Variants in MAP3K9 observed in about 807,000 individuals in gnomAD.
MAP3K9 encodes mixed lineage kinase 1 (tyr and ser/thr specificity).
Under a neutral mutation model 95.8 loss-of-function variants are expected in MAP3K9, and 46 were observed. That is an observed-to-expected ratio of 0.48 (90% CI 0.38 to 0.61). The LOEUF is 0.61. MAP3K9 is among the 20% of genes least tolerant of loss of function. The probability of loss-of-function intolerance (pLI) is 0.00; values close to 1 mark genes in which losing one functional copy is unlikely to be tolerated. For missense variants in MAP3K9, 1,296 were observed against 1,474.3 expected (o/e 0.88, Z 1.98); for synonymous variants, 533 against 593.8 (o/e 0.90, Z 1.49).
chr14:70,790,750 T>C (rs2054798836), intron 2 of MAP3K9, among the ~76,000 whole-genome samples: 2 of 152,122 alleles, frequency 1.3e-5, no homozygotes, highest in Admixed American at 6.5e-5. Flanking sequence ...GTCAGGGGTA[T>C]TGAAGGGGAC....
At chr14:70,807,036 A>G (rs767474731) in intron 1 of MAP3K9, among the ~76,000 whole-genome samples, 2 of 152,244 alleles carry the variant, frequency 1.3e-5, no homozygotes, top group Non-Finnish European at 2.9e-5. Flanking sequence ...CATTTTAAAG[A>G]TCAAAATGAA....
Position 70,808,924 on chromosome 14 carries a change from G to A in MAP3K9, c.248C>T (p.Ser83Phe), listed in dbSNP as rs2055029934. The A allele has an allele frequency of 6.3e-7, 1 of 1,590,348 alleles. No individual in the cohort carries two copies. The highest frequency in any genetic ancestry group is 1.1e-5 in the South Asian group (1 of 87,862). Residue 83 changes from serine to phenylalanine, a missense_variant, in exon 1 of 12, where the codon TCC becomes TTC. By Grantham distance (155) the Ser-to-Phe change is radical (BLOSUM62 -2). Transcript: ENST00000554752. ...LRLGDVVEVL[S>F]KDSQVSGDEG... ...GTCGCCGGACACCTGCGAGTCCTTGGACAGCACCTCCACCACGTCGCCCAG... is the reference window on the plus strand; with the variant it reads ...GTCGCCGGACACCTGCGAGTCCTTGAACAGCACCTCCACCACGTCGCCCAG...
intron 3 of MAP3K9, among the ~76,000 whole-genome samples, chr14:70,751,430 G>T (rs144343006): frequency 1.3e-5 from 2 of 152,222 alleles, no homozygotes; most frequent in Non-Finnish European, 2.9e-5. Flanking sequence ...TAATAGGCCA[G>T]GCATGGTGGC....
intron 2 of MAP3K9, among the ~76,000 whole-genome samples, chr14:70,776,780 T>C (rs543548520): frequency 7.9e-5 from 12 of 151,640 alleles, no homozygotes; most frequent in Admixed American, 2.6e-4. Context: ...CATCAGCCCT[T>C]AAGACACTAG....
intron 3 of MAP3K9, among the ~76,000 whole-genome samples, chr14:70,758,577 G>A (rs73285169): frequency 0.013 from 2,052 of 152,178 alleles, 51 homozygotes; most frequent in African/African-American, 0.046. Flanking sequence ...AAAAAAATAT[G>A]TTTACACAAA....
rs373642244 is a variant in MAP3K9 at position 70,801,090 on chromosome 14, G to A, written c.407-10C>T. ...AAATCAATTTCTAACACTGAGAAAGGGAAGAAAAAAAGAAGCAAGTCAAAA... is the reference window on the plus strand; with the variant it reads ...AAATCAATTTCTAACACTGAGAAAGAGAAGAAAAAAAGAAGCAAGTCAAAA... On this transcript the variant is annotated splice_polypyrimidine_tract_variant and intron_variant, in intron 1 of 11. Coordinates refer to ENST00000554752, the MANE Select transcript of MAP3K9 (RefSeq NM_001284230.2). The A allele has an allele frequency of 4.1e-5, 65 of 1,584,330 alleles. No individual in the cohort carries two copies. The African/African-American group carries it at 6.5e-4, about 16-fold the overall frequency.
At chr14:70,749,595 C>T (rs2054197878) in intron 4 of MAP3K9, 1 of 218,842 alleles carries the variant, frequency 4.6e-6, no homozygotes, top group Non-Finnish European at 9.0e-6. Context: ...AGTTCTTTCT[C>T]CTAAGATGTT....
Position 70,725,367 on chromosome 14 carries a change from G to C in MAP3K9, c.*5013C>G, listed in dbSNP as rs938862033. 1.3e-5 allele frequency: 2 copies of C among 152,232 alleles called. No homozygotes were observed. Among genetic ancestry groups the C allele is most frequent in the African/African-American group, 2.4e-5 (1 of 41,454 alleles). The allele number at this position is 152,232 out of a possible 1,614,324, so 9.4% of individuals were successfully genotyped here. On this transcript the variant is annotated 3_prime_UTR_variant, in exon 12 of 12. Transcript: ENST00000554752. ...TCAATATCTCATCAGGACAAAATGA[G>C]AAAGAGCAGTCTGAGAGGAAGTCCA...
chr14:70,757,417 C>T (rs998505926), intron 3 of MAP3K9, among the ~76,000 whole-genome samples: 3 of 143,822 alleles, frequency 2.1e-5, no homozygotes, highest in Middle Eastern at 3.7e-3. Context: ...GCCATGATTA[C>T]ACCACTGCAC....
chr14:70,776,380 G>A (rs1459003226), intron 2 of MAP3K9, among the ~76,000 whole-genome samples: 1 of 152,060 alleles, frequency 6.6e-6, no homozygotes, highest in African/African-American at 2.4e-5. Flanking sequence ...GGAGGGTGTT[G>A]ATGGGCAGGA....
rs71105731 is a variant in MAP3K9 at position 70,764,192 on chromosome 14, C to CAAA, written c.821-3013_821-3011dup. 6.0e-4 allele frequency among the ~76,000 whole-genome samples: 18 copies of CAAA among 29,854 alleles called. 4 individuals carry two copies. The highest frequency in any genetic ancestry group is 1.9e-3 in the African/African-American group (15 of 8,074). The allele number at this position is 29,854 out of a possible 152,430, so 19.6% of individuals were successfully genotyped here. On this transcript the variant is annotated intron_variant, in intron 2 of 11. Coordinates refer to ENST00000554752, the MANE Select transcript of MAP3K9 (RefSeq NM_001284230.2). Reference sequence around the variant, plus strand: ...TGGGCGACAGAGCGAGACTCCGTCTCAAAAAAAAAAAAAAAAAGTTAACTG... The same window carrying CAAA: ...TGGGCGACAGAGCGAGACTCCGTCTCAAAAAAAAAAAAAAAAAAAAGTTAACTG...
At chr14:70,745,345 G>A (rs1339360842) in intron 5 of MAP3K9, among the ~76,000 whole-genome samples, 2 of 152,220 alleles carry the variant, frequency 1.3e-5, no homozygotes, top group African/African-American at 4.8e-5. Context: ...AAGTGGAAGA[G>A]AGGAAAGAGA....
intron 2 of MAP3K9, among the ~76,000 whole-genome samples, chr14:70,772,176 T>C (rs566408618): frequency 2.6e-5 from 4 of 152,272 alleles, no homozygotes; most frequent in African/African-American, 9.6e-5. Context: ...AGCTTCCGCA[T>C]TGTCAGCAGA....
In MAP3K9 at chr14:70,730,315, C is replaced by A; in HGVS notation, c.*65G>T. ...CAGGGGGTCCAACCCTGAGAAAGGGCTGTGCCCGCCAGCTCCCCTCATCTC... is the reference window on the plus strand; with the variant it reads ...CAGGGGGTCCAACCCTGAGAAAGGGATGTGCCCGCCAGCTCCCCTCATCTC... On this transcript the variant is annotated 3_prime_UTR_variant, in exon 12 of 12. Transcript: ENST00000554752. The A allele has an allele frequency of 2.6e-6, 4 of 1,548,112 alleles. No individual in the cohort carries two copies. Among genetic ancestry groups the A allele is most frequent in the Admixed American group, 1.9e-5 (1 of 53,764 alleles).
At chr14:70,743,621 G>A (rs1038881622) in intron 5 of MAP3K9, among the ~76,000 whole-genome samples, 2 of 152,108 alleles carry the variant, frequency 1.3e-5, no homozygotes, top group Admixed American at 1.3e-4. Context: ...ATCAACACTG[G>A]TCACTACAGA....
chr14:70,781,170 T>C (rs1395406887), intron 2 of MAP3K9, among the ~76,000 whole-genome samples: 1 of 152,252 alleles, frequency 6.6e-6, no homozygotes, highest in African/African-American at 2.4e-5. Context: ...GCCCGACTTC[T>C]AAGCTAGATC....
intron 2 of MAP3K9, chr14:70,783,194 G>A (rs2054703974): frequency 1.2e-6 from 1 of 867,798 alleles, no homozygotes; most frequent in Non-Finnish European, 1.4e-6. Context: ...CATGCAACTA[G>A]AGTCAAGCAT....
chr14:70,804,442 TC>T (rs1216176585), intron 1 of MAP3K9, among the ~76,000 whole-genome samples: 1 of 152,232 alleles, frequency 6.6e-6, no homozygotes, highest in Non-Finnish European at 1.5e-5. Flanking sequence ...TTAAGAGTCT[TC>T]CTGGTCATGG....
chr14:70,753,653 G>A (rs2054260228), intron 3 of MAP3K9, among the ~76,000 whole-genome samples: 2 of 152,152 alleles, frequency 1.3e-5, no homozygotes, highest in Admixed American at 1.3e-4. Context: ...CTAAGTCACT[G>A]CCTCTGAGTA....
Sources: gnomAD v4.1 joint callset for allele counts (sites outside exome capture counted in the v4.1 genomes callset) on GRCh38, gnomAD v4.1.1 for gene constraint, MANE v1.5 for transcripts, NCBI Gene and HGNC (gene_info 2026-07-23, HGNC 2026-07-21) for gene names.